Variants in CNBD1 observed in about 807,000 individuals in gnomAD.
CNBD1 encodes cyclic nucleotide binding domain containing 1.
Under a neutral mutation model 54.4 loss-of-function variants are expected in CNBD1, and 71 were observed. The ratio of observed to expected loss-of-function variants is 1.30; its 90% CI spans 1.08 to 1.59. The LOEUF is 1.59. Among genes scored for constraint, CNBD1 ranks in the 40% most tolerant of loss-of-function variants. The pLI is 0.00. For missense variants in CNBD1, 659 were observed against 518.0 expected, an observed-to-expected ratio of 1.27 and a Z score of -2.64; for synonymous variants, 182 against 170.7, an observed-to-expected ratio of 1.07 and a Z score of -0.51.
chr8:87,024,014 G>C (rs1201872874), intron 4 of CNBD1, among the ~76,000 whole-genome samples: 3 of 151,966 alleles, frequency 2.0e-5, no homozygotes, highest in Admixed American at 2.0e-4. Context: ...GAGGCGGGTG[G>C]ATCACGAGGT....
chr8:87,239,959 T>C (rs529653893), intron 6 of CNBD1, among the ~76,000 whole-genome samples: 1 of 152,178 alleles, frequency 6.6e-6, no homozygotes, highest in Admixed American at 6.5e-5. Context: ...TTAAAATCTT[T>C]CATTAATTTT....
At chr8:87,080,210 C>A (rs1259524671) in intron 4 of CNBD1, among the ~76,000 whole-genome samples, 1 of 152,176 alleles carries the variant, frequency 6.6e-6, no homozygotes, top group Admixed American at 6.5e-5. Flanking sequence ...ATAAGCCTGG[C>A]AATCAGATAT....
intron 4 of CNBD1, among the ~76,000 whole-genome samples, chr8:86,950,783 C>T (rs1208981161): frequency 2.6e-5 from 4 of 152,048 alleles, no homozygotes; most frequent in Non-Finnish European, 4.4e-5. Context: ...CTTTTCTTTA[C>T]TGGGAGACTT....
At chr8:87,312,565 C>A (rs1027288084) in intron 8 of CNBD1, among the ~76,000 whole-genome samples, 1 of 152,058 alleles carries the variant, frequency 6.6e-6, no homozygotes. Context: ...TAGAGACAAT[C>A]TATCTTTTCT....
chr8:87,086,501 T>C (rs1481937033), intron 4 of CNBD1, among the ~76,000 whole-genome samples: 1 of 152,214 alleles, frequency 6.6e-6, no homozygotes, highest in Non-Finnish European at 1.5e-5. Context: ...AAAGAAAGTA[T>C]ATTGGCAAAA....
intron 8 of CNBD1, among the ~76,000 whole-genome samples, chr8:87,311,964 G>A (rs10098949): frequency 0.38 from 57,693 of 151,470 alleles, 11,221 homozygotes; most frequent in Middle Eastern, 0.44. Flanking sequence ...GGAGAGAGGG[G>A]AGCAAGGATT....
intron 6 of CNBD1, among the ~76,000 whole-genome samples, chr8:87,239,428 C>G (rs1807647286): frequency 6.6e-6 from 1 of 151,904 alleles, no homozygotes; most frequent in Non-Finnish European, 1.5e-5. Flanking sequence ...TTACTATTTC[C>G]AAAGATTTGT....
chr8:87,087,018 C>G (rs1811107349), intron 4 of CNBD1, among the ~76,000 whole-genome samples: 1 of 151,722 alleles, frequency 6.6e-6, no homozygotes, highest in African/African-American at 2.4e-5. Context: ...TAACAGGACT[C>G]CAGTGATATT....
intron 4 of CNBD1, among the ~76,000 whole-genome samples, chr8:86,990,598 G>A (rs2130526800): frequency 6.6e-6 from 1 of 152,260 alleles, no homozygotes; most frequent in South Asian, 2.1e-4. Context: ...CTATAGCTCT[G>A]TAGTATAATT....
chr8:86,902,780 A>G (rs950720890), intron 2 of CNBD1, among the ~76,000 whole-genome samples: 5 of 152,008 alleles, frequency 3.3e-5, no homozygotes, highest in African/African-American at 9.7e-5. Context: ...AGGGTCAGAT[A>G]GGTATTTAGG....
chr8:87,047,589 G>T (rs1004215071), intron 4 of CNBD1, among the ~76,000 whole-genome samples: 1 of 152,154 alleles, frequency 6.6e-6, no homozygotes, highest in African/African-American at 2.4e-5. Flanking sequence ...TAATAACTAA[G>T]CAAAATATTA....
intron 8 of CNBD1, among the ~76,000 whole-genome samples, chr8:87,338,071 T>C (rs1809985659): frequency 1.3e-5 from 2 of 152,218 alleles, no homozygotes; most frequent in Non-Finnish European, 2.9e-5. Flanking sequence ...TAAAAGAAAT[T>C]AGAGGTTGCC....
intron 4 of CNBD1, among the ~76,000 whole-genome samples, chr8:87,095,860 G>A (rs924370020): frequency 1.2e-4 from 18 of 152,234 alleles, no homozygotes; most frequent in African/African-American, 2.6e-4. Flanking sequence ...GGGTCTCACT[G>A]TGTTAGCCAG....
At chr8:87,223,413 C>T (rs1814392481) in intron 5 of CNBD1, among the ~76,000 whole-genome samples, 1 of 147,920 alleles carries the variant, frequency 6.8e-6, no homozygotes, top group African/African-American at 2.5e-5. Flanking sequence ...CACAACAGTT[C>T]CCAGAGTGTG....
At position 87,166,052 on chromosome 8, in the gene CNBD1, C is replaced by CTTATT. The variant is rs1463661516; in HGVS notation, c.432-39937_432-39936insTTTAT. On this transcript the variant is annotated intron_variant, in intron 4 of 10. Coordinates refer to ENST00000518476, the MANE Select transcript of CNBD1 (RefSeq NM_173538.3). The surrounding 1 kb of genome is among the most constrained non-coding windows in gnomAD (Gnocchi z 4.3). ...CGTATTGAATTGTCATTTTGAAGGC[C>CTTATT]TTATAAGGGCATCTTCTACCATATC... is the stretch of plus-strand genomic sequence containing the variant. Among the ~76,000 whole-genome samples the CTTATT allele has an allele frequency of 6.6e-6, 1 of 151,876 alleles. No individual in the cohort carries two copies. The highest frequency in any genetic ancestry group is 6.6e-5 in the Admixed American group (1 of 15,202).
At chr8:87,394,056 T>G (rs192375871) in intron 2 of CNBD1, among the ~76,000 whole-genome samples, 479 of 151,928 alleles carry the variant, frequency 3.2e-3, no homozygotes, top group African/African-American at 0.011. Context: ...GTAACAATAA[T>G]TTAAAAGGTA....
chr8:87,376,172 A>G (rs756172236), intron 10 of CNBD1, among the ~76,000 whole-genome samples: 6 of 151,956 alleles, frequency 3.9e-5, no homozygotes, highest in Non-Finnish European at 5.9e-5. Context: ...TCAATGCATT[A>G]CCATGGGCTG....
At chr8:87,111,769 T>C (rs574535903) in intron 4 of CNBD1, among the ~76,000 whole-genome samples, 1 of 152,290 alleles carries the variant, frequency 6.6e-6, no homozygotes, top group Admixed American at 6.5e-5. Flanking sequence ...CATGGATCCC[T>C]GTGGGTTAGG....
intron 5 of CNBD1, among the ~76,000 whole-genome samples, chr8:87,231,765 AT>A (rs1305469076): frequency 1.3e-5 from 2 of 152,000 alleles, no homozygotes; most frequent in African/African-American, 4.8e-5. Flanking sequence ...CTGACACTTT[AT>A]TTTTTAAGGC....
Sources: gnomAD v4.1 joint callset for allele counts (sites outside exome capture counted in the v4.1 genomes callset) on GRCh38, gnomAD v4.1.1 for gene constraint, Gnocchi (gnomAD v3.1) non-coding constraint, MANE v1.5 for transcripts, NCBI Gene and HGNC (gene_info 2026-07-23, HGNC 2026-07-21) for gene names.